The following ZNF536 variants were observed in gnomAD, a reference collection of about 807,000 sequenced individuals.
ZNF536 encodes zinc finger protein 536.
In ZNF536, 13 loss-of-function variants were observed where a neutral mutation model predicts 84.5. The observed-to-expected ratio is 0.15, with a 90% confidence interval of 0.10 to 0.24. The LOEUF is 0.24. Ranked by LOEUF, ZNF536 falls within the 10% of genes least tolerant of loss-of-function variation. The probability of loss-of-function intolerance (pLI) is 1.00; values close to 1 mark genes in which losing one functional copy is unlikely to be tolerated. For synonymous variants in ZNF536, 811 were observed against 742.5 expected, an observed-to-expected ratio of 1.09 and a Z score of -1.50; for missense variants, 1,536 against 1,747.5, an observed-to-expected ratio of 0.88 and a Z score of 2.16.
intron 2 of ZNF536, among the ~76,000 whole-genome samples, chr19:30,348,803 TTTTTTCTTTTC>T (rs1239444199): frequency 3.5e-5 from 4 of 115,936 alleles, no homozygotes; most frequent in South Asian, 2.9e-4. Context: ...CATTTTCTTT[TTTTTTCTTTTC>T]TTTTTTTTTT....
chr19:30,568,620 G>A (rs2046433772), intron 1 of ZNF536, among the ~76,000 whole-genome samples: 1 of 152,012 alleles, frequency 6.6e-6, no homozygotes, highest in Non-Finnish European at 1.5e-5. Flanking sequence ...CCCTGTCAAT[G>A]GTTTTCCAAG....
At chr19:30,310,804 G>A (rs1452311610) in intron 2 of ZNF536, among the ~76,000 whole-genome samples, 5 of 152,168 alleles carry the variant, frequency 3.3e-5, no homozygotes, top group East Asian at 1.9e-4. Context: ...AATTAACGCC[G>A]AGCACTTTCT....
At chr19:30,497,910 C>T (rs1412770760) in intron 2 of ZNF536, among the ~76,000 whole-genome samples, 1 of 152,168 alleles carries the variant, frequency 6.6e-6, no homozygotes, top group Non-Finnish European at 1.5e-5. Context: ...GCCCTGTCCC[C>T]ATCAGCCATA....
intron 2 of ZNF536, among the ~76,000 whole-genome samples, chr19:30,484,448 G>A (rs1336188634): frequency 1.4e-5 from 2 of 145,762 alleles, no homozygotes; most frequent in Non-Finnish European, 3.0e-5. Flanking sequence ...ATGTTGGCCA[G>A]GATGGTCTCA....
chr19:30,626,059 G>A (rs1287251873), intron 1 of ZNF536, among the ~76,000 whole-genome samples: 1 of 152,208 alleles, frequency 6.6e-6, no homozygotes, highest in South Asian at 2.1e-4. Flanking sequence ...ATGTAAAAGG[G>A]CAGGGCATTT....
intron 1 of ZNF536, among the ~76,000 whole-genome samples, chr19:30,391,858 A>G (rs1170778340): frequency 6.6e-6 from 1 of 152,010 alleles, no homozygotes; most frequent in Non-Finnish European, 1.5e-5. Flanking sequence ...TGCCTCTCAA[A>G]CTCCTGGTAC....
chr19:30,398,689 TTCATCCATGTCCCTGCAAAGGACATGA>T (rs1220260163), intron 1 of ZNF536, among the ~76,000 whole-genome samples: 127 of 152,314 alleles, frequency 8.3e-4, no homozygotes, highest in Admixed American at 2.0e-3. Flanking sequence ...GGTTTTCAGC[TTCATCCATGTCCCTGCAAAGGACATGA>T]TCATCCATGT....
chr19:30,421,630 T>G (rs1386650963), intron 1 of ZNF536, among the ~76,000 whole-genome samples: 2 of 152,150 alleles, frequency 1.3e-5, no homozygotes, highest in Non-Finnish European at 2.9e-5. Flanking sequence ...CCCAAAGTAC[T>G]GGGATTTCGG....
chr19:30,469,554 A>G lies in ZNF536; in HGVS notation c.2170+23822A>G, dbSNP rs144181957. Among the ~76,000 whole-genome samples, 230 of 152,232 alleles carry G rather than the reference A, an allele frequency of 1.5e-3. 1 individual carries two copies. Among genetic ancestry groups the G allele is most frequent in the African/African-American group, 5.4e-3 (223 of 41,532 alleles). On this transcript the variant is annotated intron_variant, in intron 2 of 4. Transcript: ENST00000355537. ...TACAAGCCAATACACCTGGATCCCTATTCTATTTCTGGGGTGCCCAACAAC... is the reference window on the plus strand; with the variant it reads ...TACAAGCCAATACACCTGGATCCCTGTTCTATTTCTGGGGTGCCCAACAAC...
At chr19:30,572,235 G>A (rs1464318446) in intron 1 of ZNF536, among the ~76,000 whole-genome samples, 1 of 152,218 alleles carries the variant, frequency 6.6e-6, no homozygotes, top group Non-Finnish European at 1.5e-5. Flanking sequence ...TGCTTCCTGA[G>A]GCTGGTGTCT....
chr19:30,355,949 G>T (rs191294385), intron 3 of ZNF536, among the ~76,000 whole-genome samples: 1 of 152,156 alleles, frequency 6.6e-6, no homozygotes, highest in Non-Finnish European at 1.5e-5. Flanking sequence ...AAAAGCCTGC[G>T]GACAGCTGGC....
downstream of ZNF536, among the ~76,000 whole-genome samples, chr19:30,562,061 G>T (rs1441465556): frequency 6.6e-6 from 1 of 152,208 alleles, no homozygotes; most frequent in Admixed American, 6.5e-5. Context: ...TGGTCTGGGG[G>T]AGACCTTGAA....
chr19:30,632,766 T>C (rs951416331), intron 1 of ZNF536, among the ~76,000 whole-genome samples: 1 of 152,226 alleles, frequency 6.6e-6, no homozygotes, highest in African/African-American at 2.4e-5. Context: ...TTGATGTTGC[T>C]TAAGTCACTG....
At chr19:30,588,113 C>T (rs1443744658) in intron 1 of ZNF536, among the ~76,000 whole-genome samples, 1 of 152,224 alleles carries the variant, frequency 6.6e-6, no homozygotes, top group Non-Finnish European at 1.5e-5. Context: ...GGCAGCTGTG[C>T]TTTGAATCAC....
intron 1 of ZNF536, among the ~76,000 whole-genome samples, chr19:30,424,883 C>G (rs1449680215): frequency 1.3e-5 from 2 of 152,124 alleles, no homozygotes; most frequent in East Asian, 3.9e-4. Context: ...CCAGGGCACA[C>G]AGGAGAAGGT....
At chr19:30,610,947 C>T (rs1035899298) in intron 1 of ZNF536, among the ~76,000 whole-genome samples, 1 of 152,222 alleles carries the variant, frequency 6.6e-6, no homozygotes, top group African/African-American at 2.4e-5. Flanking sequence ...TTCACAGTAC[C>T]TGCCAAACTC....
At position 30,517,284 on chromosome 19, in the gene ZNF536, C is replaced by T. The variant is rs184218835; in HGVS notation, c.2171-17563C>T. ...ATAATTACGAGAATTAGTCTGGAGG[C>T]TTCTGCCTTATTTGCCTAACTGAGA... On this transcript the variant is annotated intron_variant, in intron 2 of 4. Transcript: ENST00000355537. Among the ~76,000 whole-genome samples, 11 of 152,300 alleles carry T rather than the reference C, an allele frequency of 7.2e-5. No individual in the cohort carries two copies. The East Asian group carries it at 1.9e-3, about 27-fold the overall frequency.
At chr19:30,447,207 C>T (rs972254620) in intron 2 of ZNF536, among the ~76,000 whole-genome samples, 2 of 152,194 alleles carry the variant, frequency 1.3e-5, no homozygotes, top group African/African-American at 2.4e-5. Context: ...TGATCCCCCC[C>T]ACCCTCACTC....
chr19:30,250,079 A>T (rs1453369539), intron 1 of ZNF536, among the ~76,000 whole-genome samples: 1 of 152,212 alleles, frequency 6.6e-6, no homozygotes, highest in Admixed American at 6.5e-5. Flanking sequence ...GGCAGTCACA[A>T]GCAGCTCGGA....
Sources: allele counts gnomAD v4.1 joint callset (sites outside exome capture counted in the v4.1 genomes callset), GRCh38; gene constraint gnomAD v4.1.1; transcripts MANE v1.5; gene names NCBI Gene and HGNC (gene_info 2026-07-23, HGNC 2026-07-21).